Variants in B3GALNT2 observed in about 807,000 individuals in gnomAD.
The protein encoded by B3GALNT2 is UDP-GalNAc:beta-1,3-N-acetylgalactosaminyltransferase 2.
B3GALNT2 carries 53 observed loss-of-function variants against 61.1 expected under a neutral mutation model. The observed-to-expected ratio is 0.87, with a 90% confidence interval of 0.70 to 1.09. The LOEUF (loss-of-function observed/expected upper bound fraction) is 1.09, where lower values mean the gene tolerates loss of function less well. B3GALNT2 is among the 50% of genes least tolerant of loss of function. B3GALNT2 has a pLI of 0.00. For missense variants in B3GALNT2, 544 were observed against 623.0 expected, an observed-to-expected ratio of 0.87 and a Z score of 1.35; for synonymous variants, 223 against 237.4, an observed-to-expected ratio of 0.94 and a Z score of 0.56.
rs144123418 is a variant in B3GALNT2, at chr1:235,484,377, T to C, written c.500A>G (p.Asn167Ser). 40 of 1,614,140 alleles carry C rather than the reference T, an allele frequency of 2.5e-5. No homozygotes were observed. Among genetic ancestry groups the C allele is most frequent in the South Asian group, 8.8e-5 (8 of 91,080 alleles). Reference protein sequence around the residue: ...ITSLGVFYDANDVGFQRNITV... With the variant: ...ITSLGVFYDASDVGFQRNITV... The stretch of plus-strand genomic sequence containing the variant: ...GATGTTCCTCTGGAAACCCACATCA[T>C]TGGCATCGTAGAACACTCCAAGACT... The change falls in exon 4 of 12, where the codon AAT (asparagine) becomes AGT (serine). Residue 167 changes from asparagine to serine, a missense_variant. Physicochemically the swap from Asn to Ser is conservative, Grantham distance 46. Transcript: ENST00000366600.
rs1682698984 is a variant in B3GALNT2 at position 235,448,934 on chromosome 1, C to CATAA, written c.*1268_*1271dup. 47 of 589,128 alleles carry CATAA rather than the reference C, an allele frequency of 8.0e-5. No homozygotes were observed. In the South Asian group the frequency reaches 8.1e-4, roughly 10 times the overall value. The allele number at this position is 589,128 out of a possible 1,614,324, so 36.5% of individuals were successfully genotyped here. On this transcript the variant is annotated 3_prime_UTR_variant, in exon 12 of 12. Coordinates refer to ENST00000366600, the MANE Select transcript of B3GALNT2 (RefSeq NM_152490.5). Reference sequence around the variant, plus strand: ...GGAAGTGACCATTTCTAGGCTTATACATAATAGCAATAATAAAGGCTTTGA... The same window carrying CATAA: ...GGAAGTGACCATTTCTAGGCTTATACATAAATAATAGCAATAATAAAGGCTTTGA...
intron 6 of B3GALNT2, among the ~76,000 whole-genome samples, chr1:235,467,652 G>A (rs1417195668): frequency 6.6e-6 from 1 of 151,284 alleles, no homozygotes; most frequent in Non-Finnish European, 1.5e-5. Flanking sequence ...GCTAATTTTT[G>A]TATTTTTAGT....
chr1:235,477,181 C>T (rs1308576453), intron 5 of B3GALNT2, among the ~76,000 whole-genome samples: 1 of 152,156 alleles, frequency 6.6e-6, no homozygotes, highest in Non-Finnish European at 1.5e-5. Context: ...CCCCTCTCCC[C>T]CAACCCAATT....
intron 4 of B3GALNT2, among the ~76,000 whole-genome samples, chr1:235,483,938 A>G (rs1328223236): frequency 6.6e-6 from 1 of 152,198 alleles, no homozygotes; most frequent in South Asian, 2.1e-4. Flanking sequence ...AAAGATTTGA[A>G]GCAGTTATTA....
At chr1:235,483,268 C>T (rs754213276) in intron 4 of B3GALNT2, among the ~76,000 whole-genome samples, 9 of 152,026 alleles carry the variant, frequency 5.9e-5, no homozygotes, top group Non-Finnish European at 1.3e-4. Context: ...ATCTGCAGGA[C>T]AATACCAAAA....
downstream of B3GALNT2, chr1:235,443,081 C>T: frequency 2.9e-6 from 2 of 678,842 alleles, no homozygotes; most frequent in Non-Finnish European, 5.0e-6. Flanking sequence ...AATATCACTC[C>T]CCCATGCCCC....
chr1:235,440,417 T>A, the B3GALNT2 span, among the ~76,000 whole-genome samples: 616 of 151,842 alleles, frequency 4.1e-3, 5 homozygotes, highest in African/African-American at 0.014. Context: ...TTTGAGATGG[T>A]GTTTCGCTCT....
intron 2 of B3GALNT2, among the ~76,000 whole-genome samples, chr1:235,490,392 G>A (rs530048893): frequency 1.3e-5 from 2 of 152,250 alleles, no homozygotes; most frequent in East Asian, 3.9e-4. Context: ...CACCACGCCT[G>A]GCTAATTTTT....
At chr1:235,473,565 A>C (rs1171033807) in intron 5 of B3GALNT2, among the ~76,000 whole-genome samples, 1 of 152,216 alleles carries the variant, frequency 6.6e-6, no homozygotes, top group Non-Finnish European at 1.5e-5. Context: ...CCCATGGGAC[A>C]TTCAAGTGGA....
chr1:235,499,977 G>A (rs1281617975), intron 1 of B3GALNT2, among the ~76,000 whole-genome samples: 1 of 152,152 alleles, frequency 6.6e-6, no homozygotes, highest in Non-Finnish European at 1.5e-5. Flanking sequence ...GGGGAAGAGG[G>A]ATTTTAGTTT....
In B3GALNT2 at chr1:235,453,090, C is replaced by G. The variant is rs1307401924; in HGVS notation, c.1368G>C (p.Gln456His). 3 of 1,609,872 alleles carry G rather than the reference C, an allele frequency of 1.9e-6. No homozygotes were observed. The South Asian group carries it at 3.3e-5, about 18-fold the overall frequency. ...WMAAIGPKRY[Q>H]DSLWLCEKTC... ...CCTGAGGCCATCCCCAAAGACTTAC[C>G]TGGTATCTTTTAGGTCCTATGGCAG... The change falls in exon 11 of 12, where the codon CAG becomes CAC. Residue 456 changes from glutamine (Q) to histidine (H), a missense_variant and splice_region_variant. Transcript: ENST00000366600.
At chr1:235,503,740 C>T (rs1265893065) in intron 1 of B3GALNT2, among the ~76,000 whole-genome samples, 3 of 145,024 alleles carry the variant, frequency 2.1e-5, no homozygotes, top group Non-Finnish European at 4.5e-5. Flanking sequence ...AGACCAACAA[C>T]TTGGGGGGGA....
At chr1:235,465,087 G>A (rs1354468234) in intron 7 of B3GALNT2, 1 of 152,186 alleles carries the variant, frequency 6.6e-6, no homozygotes, top group Non-Finnish European at 1.5e-5. Flanking sequence ...AAGAGAAATG[G>A]AAATATATGA....
chr1:235,476,382 G>A (rs1360529718), intron 5 of B3GALNT2, among the ~76,000 whole-genome samples: 1 of 152,044 alleles, frequency 6.6e-6, no homozygotes, highest in Non-Finnish European at 1.5e-5. Flanking sequence ...CTGCACTCCC[G>A]CCTGGGTGAC....
Position 235,465,623 on chromosome 1 carries a change from C to T in B3GALNT2, c.841+13G>A, listed in dbSNP as rs759364900. 1.2e-6 allele frequency: 2 copies of T among 1,613,170 alleles called. No homozygotes were observed. Among genetic ancestry groups the T allele is most frequent in the Admixed American group, 1.7e-5 (1 of 59,760 alleles). On this transcript the variant is annotated intron_variant, in intron 7 of 11. Coordinates refer to ENST00000366600, the MANE Select transcript of B3GALNT2 (RefSeq NM_152490.5). ...ATTCAGTGTACTTTTCAAGTTTCAA[C>T]TAGCAAACTTACCCTGAATAGTATA...
Position 235,448,890 on chromosome 1 carries a change from A to G in B3GALNT2, c.*1316T>C. 1.3e-6 allele frequency: 1 copy of G among 748,346 alleles called. No individual in the cohort carries two copies. Among genetic ancestry groups the G allele is most frequent in the Non-Finnish European group, 2.3e-6 (1 of 430,996 alleles). 46.4% of individuals were successfully genotyped at this position (748,346 alleles called of 1,614,324 possible). A position where few individuals can be genotyped will look rare whatever the true frequency, so the allele number is the denominator to read the frequency against. The stretch of plus-strand genomic sequence containing the variant: ...TTTACAACTTGTCCTAAGTATAACA[A>G]GGGATGTATTTTTTGTTGGGAAGTG... On this transcript the variant is annotated 3_prime_UTR_variant, in exon 12 of 12. Transcript: ENST00000366600.
rs2102782415 is a variant in B3GALNT2, at chr1:235,454,141, G to T, written c.1311+15C>A. ...GGCAAGAGCCACCACGCCAAGCTAA[G>T]AAATTCTTAATTACCTGATAGGTCT... is the stretch of plus-strand genomic sequence containing the variant. On this transcript the variant is annotated intron_variant, in intron 10 of 11. Transcript: ENST00000366600. 1.3e-6 allele frequency: 2 copies of T among 1,584,228 alleles called. No individual in the cohort carries two copies. The highest frequency in any genetic ancestry group is 1.7e-6 in the Non-Finnish European group (2 of 1,163,856).
rs886660276 is a variant in B3GALNT2 at position 235,449,578 on chromosome 1, T to C, written c.*628A>G. The C allele has an allele frequency of 2.0e-5, 3 of 152,638 alleles. No homozygotes were observed. The highest frequency in any genetic ancestry group is 7.2e-5 in the African/African-American group (3 of 41,598). The allele number at this position is 152,638 out of a possible 1,614,324, so 9.5% of individuals were successfully genotyped here. On this transcript the variant is annotated 3_prime_UTR_variant, in exon 12 of 12. Transcript: ENST00000366600. ...AGAAAATTTGGGTATTAGTCTACCA[T>C]ATAAATGAACTTCTTTAAAACCAAG... is the stretch of plus-strand genomic sequence containing the variant.
intron 9 of B3GALNT2, among the ~76,000 whole-genome samples, chr1:235,454,715 C>T (rs1047533807): frequency 1.6e-4 from 24 of 152,182 alleles, no homozygotes; most frequent in Non-Finnish European, 2.6e-4. Flanking sequence ...GCTGGGATTA[C>T]AGGCGTGAGC....
Sources: gnomAD v4.1 joint callset for allele counts (sites outside exome capture counted in the v4.1 genomes callset) on GRCh38, gnomAD v4.1.1 for gene constraint, MANE v1.5 for transcripts, NCBI Gene and HGNC (gene_info 2026-07-23, HGNC 2026-07-21) for gene names.